HNF4G: variants seen among roughly 807,000 people sequenced by gnomAD.
HNF4G encodes the protein hepatocyte nuclear factor 4-gamma.
HNF4G carries 21 observed loss-of-function variants against 50.9 expected under a neutral mutation model. That is an observed-to-expected ratio of 0.41 (90% CI 0.29 to 0.59). The LOEUF (loss-of-function observed/expected upper bound fraction) is 0.59, where lower values mean the gene tolerates loss of function less well. HNF4G is among the 20% of genes least tolerant of loss of function. The pLI is 0.26. For missense variants in HNF4G, 527 were observed against 559.4 expected (o/e 0.94, Z 0.58); for synonymous variants, 198 against 185.6 (o/e 1.07, Z -0.54).
intron 1 of HNF4G, 36 bp downstream of exon 1, chr8:75,540,116 T>A: frequency 8.4e-7 from 1 of 1,193,710 alleles, no homozygotes; most frequent in Non-Finnish European, 1.2e-6. Flanking sequence ...TAAAGAAAAG[T>A]AAGTATAATT....
intron 1 of HNF4G, among the ~76,000 whole-genome samples, chr8:75,476,306 T>C (rs146870050): frequency 6.6e-6 from 1 of 152,208 alleles, no homozygotes; most frequent in Non-Finnish European, 1.5e-5. Context: ...CCATGGCATA[T>C]ATATACCACA....
chr8:75,448,852 C>G (rs549772039), intron 1 of HNF4G, among the ~76,000 whole-genome samples: 39 of 152,172 alleles, frequency 2.6e-4, no homozygotes, highest in Non-Finnish European at 5.0e-4. Flanking sequence ...CAGAATTATA[C>G]AAATCAAGCA....
At chr8:75,429,333 A>G (rs1460690377) in intron 1 of HNF4G, among the ~76,000 whole-genome samples, 1 of 152,162 alleles carries the variant, frequency 6.6e-6, no homozygotes, top group African/African-American at 2.4e-5. Context: ...TTAATCTTCA[A>G]TATAGTGTAA....
At chr8:75,494,356 A>G (rs1812712204) in intron 2 of HNF4G, among the ~76,000 whole-genome samples, 1 of 149,822 alleles carries the variant, frequency 6.7e-6, no homozygotes, top group Non-Finnish European at 1.5e-5. Context: ...ACACAGGTTG[A>G]CAATACACAA....
chr8:75,456,513 A>T (rs1811727898), intron 1 of HNF4G, among the ~76,000 whole-genome samples: 1 of 151,944 alleles, frequency 6.6e-6, no homozygotes, highest in Non-Finnish European at 1.5e-5. Context: ...GTTAAATTTG[A>T]TGTTTTATCT....
chr8:75,489,662 G>T (rs1426624779), intron 1 of HNF4G, among the ~76,000 whole-genome samples: 1 of 152,162 alleles, frequency 6.6e-6, no homozygotes, highest in Non-Finnish European at 1.5e-5. Flanking sequence ...TCAAAAAATT[G>T]TACATGGGGT....
chr8:75,559,277 G>GTT (rs112670281), intron 8 of HNF4G, among the ~76,000 whole-genome samples: 1,138 of 42,728 alleles, frequency 0.027, 13 homozygotes, highest in South Asian at 0.062. Flanking sequence ...TTTTTTGTTT[G>GTT]TTTTTTTTTT....
intron 1 of HNF4G, among the ~76,000 whole-genome samples, chr8:75,433,981 A>C (rs1488140672): frequency 6.6e-6 from 1 of 151,616 alleles, no homozygotes; most frequent in Non-Finnish European, 1.5e-5. Flanking sequence ...TAGACACCTT[A>C]AAATAACTTA....
rs1275830536 is a variant in HNF4G, at chr8:75,558,960, T to C, written c.1046T>C (p.Met349Thr). 1.9e-6 allele frequency: 3 copies of C among 1,613,932 alleles called. No individual in the cohort carries two copies. The highest frequency in any genetic ancestry group is 2.5e-6 in the Non-Finnish European group (3 of 1,179,972). The change falls in exon 8 of 10, where the codon ATG (methionine) becomes ACG (threonine). Residue 349 changes from methionine to threonine, a missense_variant. By Grantham distance (81) the Met-to-Thr change is moderately conservative. This residue lies in a region of HNF4G where 308 missense variants were observed against 301.5 expected (regional missense o/e 1.02). Transcript: ENST00000396423. ...LPTLQSITWQ[M>T]IEQIQFVKLF... ...ACACTGCAGAGCATCACGTGGCAAATGATTGAGCAAATACAGTTTGTTAAA... is the reference window on the plus strand; with the variant it reads ...ACACTGCAGAGCATCACGTGGCAAACGATTGAGCAAATACAGTTTGTTAAA...
chr8:75,522,261 T>G (rs1486935668), intron 2 of HNF4G, among the ~76,000 whole-genome samples: 1 of 152,216 alleles, frequency 6.6e-6, no homozygotes, highest in African/African-American at 2.4e-5. Flanking sequence ...GATAGTGGGA[T>G]TATGATGATC....
At chr8:75,412,040 C>T (rs1226641444) in intron 1 of HNF4G, among the ~76,000 whole-genome samples, 1 of 152,098 alleles carries the variant, frequency 6.6e-6, no homozygotes, top group Non-Finnish European at 1.5e-5. Flanking sequence ...ATAGGTGTTA[C>T]TTGTTTTTAT....
At chr8:75,550,904 A>G (rs1806932443) in intron 3 of HNF4G, among the ~76,000 whole-genome samples, 1 of 152,114 alleles carries the variant, frequency 6.6e-6, no homozygotes, top group Admixed American at 6.6e-5. Flanking sequence ...AGATCATAAT[A>G]TTGCAATCCT....
intron 1 of HNF4G, among the ~76,000 whole-genome samples, chr8:75,456,634 A>G (rs2130594315): frequency 6.6e-6 from 1 of 152,088 alleles, no homozygotes; most frequent in East Asian, 1.9e-4. Flanking sequence ...CAGGTTGGTA[A>G]CCAAAATCTA....
chr8:75,423,162 A>G (rs529125799), intron 1 of HNF4G, among the ~76,000 whole-genome samples: 1 of 152,004 alleles, frequency 6.6e-6, no homozygotes, highest in Admixed American at 6.6e-5. Flanking sequence ...TTTGGCCTGG[A>G]ATTTTGTTCC....
intron 1 of HNF4G, among the ~76,000 whole-genome samples, chr8:75,431,515 T>A (rs1215768201): frequency 1.3e-5 from 2 of 152,132 alleles, no homozygotes; most frequent in East Asian, 3.9e-4. Context: ...ATATCAGTGA[T>A]CGCAATAAAT....
chr8:75,471,604 C>T (rs1163944482), intron 1 of HNF4G, among the ~76,000 whole-genome samples: 1 of 152,136 alleles, frequency 6.6e-6, no homozygotes, highest in Non-Finnish European at 1.5e-5. Flanking sequence ...TTGCCTCCTT[C>T]CTTCTTATTA....
chr8:75,483,157 G>A (rs2130662215), intron 1 of HNF4G, among the ~76,000 whole-genome samples: 1 of 152,194 alleles, frequency 6.6e-6, no homozygotes, highest in Non-Finnish European at 1.5e-5. Context: ...AGCATGTTAT[G>A]TTTTGCTAAA....
chr8:75,495,172 A>G (rs576955013), intron 2 of HNF4G, among the ~76,000 whole-genome samples: 1 of 152,342 alleles, frequency 6.6e-6, no homozygotes, highest in African/African-American at 2.4e-5. Flanking sequence ...TTAAACTAGT[A>G]TCCTCCTACT....
In HNF4G at chr8:75,560,402, C is replaced by A. The variant is rs2130817296; in HGVS notation, c.1182C>A (p.Asp394Glu). ...CAATGCATCCACATTTGTCTCAAGA[C>A]CCATTAACTGGACAAACTATACTTT... Reference protein sequence around the residue: ...HHPMHPHLSQDPLTGQTILLG... With the variant: ...HHPMHPHLSQEPLTGQTILLG... The change falls in exon 9 of 10, where the codon GAC (aspartate) becomes GAA (glutamate). Residue 394 changes from aspartate (D) to glutamate (E), a missense_variant. Physicochemically the swap from Asp to Glu is conservative, Grantham distance 45. This residue lies in a region of HNF4G where 308 missense variants were observed against 301.5 expected (regional missense o/e 1.02). Transcript: ENST00000396423. 1 of 1,612,954 alleles carries A rather than the reference C, an allele frequency of 6.2e-7. No individual in the cohort carries two copies. Among genetic ancestry groups the A allele is most frequent in the Non-Finnish European group, 8.5e-7 (1 of 1,179,098 alleles).
Sources: gnomAD v4.1 joint callset for allele counts (sites outside exome capture counted in the v4.1 genomes callset) on GRCh38, gnomAD v4.1.1 for gene constraint, gnomAD v4.1.1 regional missense constraint, MANE v1.5 for transcripts, NCBI Gene and HGNC (gene_info 2026-07-23, HGNC 2026-07-21) for gene names.